BICD1: variants seen among roughly 807,000 people sequenced by gnomAD.
The protein encoded by BICD1 is protein bicaudal D homolog 1.
A neutral mutation model predicts 92.5 loss-of-function variants in BICD1; 35 were observed. That is an observed-to-expected ratio of 0.38 (90% CI 0.29 to 0.50). The LOEUF (loss-of-function observed/expected upper bound fraction) is 0.50. BICD1 is among the 20% of genes least tolerant of loss of function. The pLI is 0.93. For synonymous variants in BICD1, 429 were observed against 465.1 expected (o/e 0.92, Z 1.00); for missense variants, 950 against 1,189.8 (o/e 0.80, Z 2.97).
At chr12:32,316,688 C>CT (rs926635143) in intron 4 of BICD1, among the ~76,000 whole-genome samples, 23 of 149,118 alleles carry the variant, frequency 1.5e-4, no homozygotes, top group South Asian at 8.6e-4. Context: ...TTTTGCACTT[C>CT]TTTTTTTTTT....
chr12:32,177,185 C>T (rs557038553), intron 1 of BICD1, among the ~76,000 whole-genome samples: 8 of 151,490 alleles, frequency 5.3e-5, no homozygotes, highest in South Asian at 2.1e-4. Flanking sequence ...CGTGGTGGTG[C>T]GCACCTGTAA....
chr12:32,107,290 C>T lies in BICD1; in HGVS notation c.-42C>T, dbSNP rs765654714. 2.8e-5 allele frequency: 43 copies of T among 1,516,990 alleles called. No individual in the cohort carries two copies. Among genetic ancestry groups the T allele is most frequent in the Non-Finnish European group, 3.6e-5 (40 of 1,113,082 alleles). The allele number at this position is 1,516,990 out of a possible 1,614,324, so 94.0% of individuals were successfully genotyped here. ...TTCCCCGCCAGCTTCGCATCCATCT[C>T]CCCCACCCCGTAACCCCCTCCTGCC... On this transcript the variant is annotated 5_prime_UTR_variant, in exon 1 of 10. Transcript: ENST00000652176.
Position 32,313,847 on chromosome 12 carries a change from G to A in BICD1, c.1005+7725G>A, listed in dbSNP as rs1431440083. On this transcript the variant is annotated intron_variant, in intron 4 of 9. Transcript: ENST00000652176. The surrounding 1 kb of genome is among the most constrained non-coding windows in gnomAD (Gnocchi z 4.2). Reference sequence around the variant, plus strand: ...CCAGAAAAAATTAGCTGGGCACGGTGGTGCGTGCCTATAGTCCCAGCTACT... The same window carrying A: ...CCAGAAAAAATTAGCTGGGCACGGTAGTGCGTGCCTATAGTCCCAGCTACT... 1.3e-5 allele frequency among the ~76,000 whole-genome samples: 2 copies of A among 152,138 alleles called. No homozygotes were observed. The highest frequency in any genetic ancestry group is 2.9e-5 in the Non-Finnish European group (2 of 68,018).
intron 1 of BICD1, among the ~76,000 whole-genome samples, chr12:32,149,963 T>C (rs1943240235): frequency 6.6e-6 from 1 of 152,198 alleles, no homozygotes; most frequent in Non-Finnish European, 1.5e-5. Flanking sequence ...GGACTTGCAG[T>C]TCCAGGTGGC....
intron 2 of BICD1, among the ~76,000 whole-genome samples, chr12:32,240,559 G>T (rs964392633): frequency 7.9e-5 from 12 of 152,196 alleles, no homozygotes; most frequent in African/African-American, 2.4e-4. Flanking sequence ...AGGACAGTGT[G>T]ATTACACTTA....
intron 2 of BICD1, among the ~76,000 whole-genome samples, chr12:32,238,152 C>T (rs1205655061): frequency 6.6e-6 from 1 of 152,016 alleles, no homozygotes; most frequent in Non-Finnish European, 1.5e-5. Flanking sequence ...CCTATAATTC[C>T]AGCCCTTTGG....
intron 1 of BICD1, among the ~76,000 whole-genome samples, chr12:32,158,257 C>T (rs1404091012): frequency 6.6e-6 from 1 of 151,992 alleles, no homozygotes; most frequent in Non-Finnish European, 1.5e-5. Context: ...AGGCGCCCAC[C>T]CCCATGCCCG....
chr12:32,358,214 G>A (rs1433173948), intron 8 of BICD1, among the ~76,000 whole-genome samples: 6 of 151,898 alleles, frequency 4.0e-5, no homozygotes, highest in Non-Finnish European at 8.8e-5. Context: ...AGTTCTCATG[G>A]CTCAGCTTCC....
At chr12:32,132,185 A>G (rs1398618013) in intron 1 of BICD1, among the ~76,000 whole-genome samples, 1 of 152,108 alleles carries the variant, frequency 6.6e-6, no homozygotes, top group Non-Finnish European at 1.5e-5. Context: ...TGGGAGGCCA[A>G]GGTGGGCAGA....
intron 2 of BICD1, among the ~76,000 whole-genome samples, chr12:32,261,093 A>C (rs1227645150): frequency 1.3e-5 from 2 of 152,214 alleles, no homozygotes; most frequent in African/African-American, 4.8e-5. Flanking sequence ...TCAGATGATG[A>C]GGATGGTCAT....
intron 2 of BICD1, among the ~76,000 whole-genome samples, chr12:32,248,857 T>C (rs1946456403): frequency 6.6e-6 from 1 of 152,188 alleles, no homozygotes; most frequent in Non-Finnish European, 1.5e-5. Context: ...TTGAATACTG[T>C]GCTTAAGGCA....
In BICD1 at chr12:32,285,639, A is replaced by G. The variant is rs1408796194; in HGVS notation, c.427-8355A>G. 4.6e-5 allele frequency among the ~76,000 whole-genome samples: 7 copies of G among 152,280 alleles called. No homozygotes were observed. In the East Asian group the frequency reaches 1.4e-3, roughly 29 times the overall value. ...TGCTGCTATGCTCAGGTGCAATGCA[A>G]ATAATGAGGTGACTCTATCCCTGCC... On this transcript the variant is annotated intron_variant, in intron 2 of 9. Transcript: ENST00000652176.
At chr12:32,370,043 C>T (rs1939670664) in intron 9 of BICD1, among the ~76,000 whole-genome samples, 2 of 152,168 alleles carry the variant, frequency 1.3e-5, no homozygotes. Context: ...TTCGCTAATG[C>T]CATTTTACAA....
intron 1 of BICD1, among the ~76,000 whole-genome samples, chr12:32,161,593 T>G (rs1188171458): frequency 6.6e-6 from 1 of 152,246 alleles, no homozygotes; most frequent in Non-Finnish European, 1.5e-5. Flanking sequence ...CAGTGAATTG[T>G]GAATTCTAGA....
intron 2 of BICD1, among the ~76,000 whole-genome samples, chr12:32,234,550 C>T (rs111567968): frequency 0.033 from 4,951 of 149,038 alleles, 315 homozygotes; most frequent in African/African-American, 0.12. Flanking sequence ...GAGCCAAGAT[C>T]GCACCACTGC....
chr12:32,297,869 A>C (rs563263424), intron 3 of BICD1, among the ~76,000 whole-genome samples: 1 of 152,264 alleles, frequency 6.6e-6, no homozygotes, highest in South Asian at 2.1e-4. Flanking sequence ...CACAGTAGAT[A>C]TTAAATAAAT....
At chr12:32,167,034 C>T (rs1185448493) in intron 1 of BICD1, among the ~76,000 whole-genome samples, 1 of 152,104 alleles carries the variant, frequency 6.6e-6, no homozygotes, top group African/African-American at 2.4e-5. Context: ...AACTTTGTTT[C>T]CTAGATTTTA....
intron 1 of BICD1, among the ~76,000 whole-genome samples, chr12:32,191,627 A>G (rs975050791): frequency 4.3e-5 from 6 of 139,974 alleles, no homozygotes; most frequent in Non-Finnish European, 7.8e-5. Flanking sequence ...ATAATATATA[A>G]TATATGTTAT....
At chr12:32,122,266 GACCATCCTA>G (rs1942181921) in intron 1 of BICD1, among the ~76,000 whole-genome samples, 1 of 151,954 alleles carries the variant, frequency 6.6e-6, no homozygotes, top group African/African-American at 2.4e-5. Context: ...CACAGATCGA[GACCATCCTA>G]ACACAGATCG....
Sources: gnomAD v4.1 joint callset for allele counts (sites outside exome capture counted in the v4.1 genomes callset) on GRCh38, gnomAD v4.1.1 for gene constraint, Gnocchi (gnomAD v3.1) non-coding constraint, MANE v1.5 for transcripts, NCBI Gene and HGNC (gene_info 2026-07-23, HGNC 2026-07-21) for gene names.